RASAL2: variants seen among roughly 807,000 people sequenced by gnomAD.
The protein encoded by RASAL2 is RAS protein activator like 2.
Under a neutral mutation model 128.9 loss-of-function variants are expected in RASAL2, and 58 were observed. The ratio of observed to expected loss-of-function variants is 0.45; its 90% confidence interval spans 0.36 to 0.56. The LOEUF is 0.56. RASAL2 is among the 20% of genes least tolerant of loss of function. RASAL2 has a pLI of 0.00. For synonymous variants in RASAL2, 561 were observed against 580.8 expected (o/e 0.97, Z 0.49); for missense variants, 1,360 against 1,601.6 (o/e 0.85, Z 2.57).
chr1:178,176,352 T>C (rs1211568839), intron 1 of RASAL2, among the ~76,000 whole-genome samples: 1 of 152,188 alleles, frequency 6.6e-6, no homozygotes, highest in Non-Finnish European at 1.5e-5. Context: ...ACCATTTGTA[T>C]ATCTTCTTTT....
intron 1 of RASAL2, among the ~76,000 whole-genome samples, chr1:178,113,183 A>C (rs1571491444): frequency 3.3e-5 from 5 of 152,120 alleles, no homozygotes; most frequent in Admixed American, 3.3e-4. Flanking sequence ...TATCTGGACT[A>C]TTCAATTCCA....
Position 178,454,449 on chromosome 1 carries a change from T to C in RASAL2, c.2012T>C (p.Phe671Ser). The change falls in exon 12 of 18, where the codon TTT becomes TCT. Residue 671 changes from phenylalanine to serine, a missense_variant and splice_region_variant. By Grantham distance (155) the Phe-to-Ser change is radical. This residue lies in a region of RASAL2 where 741 missense variants were observed against 868.6 expected (regional missense o/e 0.85). Transcript: ENST00000367649. ...CATTTTCTCATCCTCTACTTCAGGT[T>C]TGGTAACAAAGAGGAATACATGGCA... ...VIQNLANFAK[F>S]GNKEEYMAFM... 6.2e-7 allele frequency: 1 copy of C among 1,604,552 alleles called. No individual in the cohort carries two copies. Among genetic ancestry groups the C allele is most frequent in the East Asian group, 2.2e-5 (1 of 44,820 alleles).
intron 3 of RASAL2, among the ~76,000 whole-genome samples, chr1:178,312,742 A>G (rs1668319467): frequency 6.6e-6 from 1 of 152,216 alleles, no homozygotes; most frequent in Non-Finnish European, 1.5e-5. Flanking sequence ...AGTTAACTCA[A>G]TCAGCGGAAA....
chr1:178,119,905 C>T (rs1370912211), intron 1 of RASAL2, among the ~76,000 whole-genome samples: 1 of 152,194 alleles, frequency 6.6e-6, no homozygotes, highest in Non-Finnish European at 1.5e-5. Flanking sequence ...ACTGCAGCCT[C>T]TCTTGAAAGT....
chr1:178,295,731 T>C (rs940381534), intron 2 of RASAL2, among the ~76,000 whole-genome samples: 3 of 152,194 alleles, frequency 2.0e-5, no homozygotes, highest in African/African-American at 7.2e-5. Context: ...GTTCCTGGGT[T>C]ATGCTGTTGC....
chr1:178,143,154 G>C (rs1660595628), intron 1 of RASAL2, among the ~76,000 whole-genome samples: 1 of 151,522 alleles, frequency 6.6e-6, no homozygotes, highest in African/African-American at 2.4e-5. Flanking sequence ...TGTAATGTAT[G>C]TTTATTTATA....
chr1:178,205,758 CA>C (rs946994344), intron 1 of RASAL2, among the ~76,000 whole-genome samples: 20 of 146,360 alleles, frequency 1.4e-4, no homozygotes, highest in East Asian at 1.2e-3. Flanking sequence ...CTCCGTCTAA[CA>C]AAAAAAAAAG....
Position 178,175,437 on chromosome 1 carries a change from C to CGTGTGTGTGTGTGT in RASAL2, c.202+80765_202+80778dup, listed in dbSNP as rs1158552851. Reference sequence around the variant, plus strand: ...AATATTCTGTGTATATACATGGTTACGTGTGTGTGTGTGTGTGTGTGTGTG... The same window carrying CGTGTGTGTGTGTGT: ...AATATTCTGTGTATATACATGGTTACGTGTGTGTGTGTGTGTGTGTGTGTGTGTGTGTGTGTGTG... On this transcript the variant is annotated intron_variant, in intron 1 of 17. Transcript: ENST00000367649. 5.7e-3 allele frequency among the ~76,000 whole-genome samples: 819 copies of CGTGTGTGTGTGTGT among 144,418 alleles called. 15 individuals are homozygous for CGTGTGTGTGTGTGT. The highest frequency in any genetic ancestry group is 0.017 in the African/African-American group (661 of 38,804). The allele number at this position is 144,418 out of a possible 152,430, so 94.7% of individuals were successfully genotyped here. A position where few individuals can be genotyped will look rare whatever the true frequency, so the allele number is the denominator to read the frequency against.
intron 1 of RASAL2, among the ~76,000 whole-genome samples, chr1:178,190,916 T>A (rs1342715991): frequency 6.6e-6 from 1 of 152,176 alleles, no homozygotes; most frequent in Non-Finnish European, 1.5e-5. Context: ...GCCAAAGAGA[T>A]GTAAGGCTTG....
At chr1:178,165,916 C>T (rs1052699332) in intron 1 of RASAL2, among the ~76,000 whole-genome samples, 25 of 152,096 alleles carry the variant, frequency 1.6e-4, no homozygotes, top group African/African-American at 5.8e-4. Flanking sequence ...ATTTTAAAGG[C>T]TTTAGTCATA....
intron 9 of RASAL2, among the ~76,000 whole-genome samples, chr1:178,446,070 C>G (rs1253619695): frequency 6.6e-6 from 1 of 152,206 alleles, no homozygotes; most frequent in African/African-American, 2.4e-5. Flanking sequence ...TGAAGAAACT[C>G]TTGCCACTTC....
chr1:178,128,790 G>A (rs73049387), intron 1 of RASAL2, among the ~76,000 whole-genome samples: 2,056 of 152,072 alleles, frequency 0.014, 48 homozygotes, highest in African/African-American at 0.046. Flanking sequence ...TAAAATTTGT[G>A]GCTCTTTGTG....
chr1:178,475,771 T>C lies in RASAL2; in HGVS notation c.*2532T>C, dbSNP rs1648630903. Reference sequence around the variant, plus strand: ...ATGCCCAAAACATTTGGACAGATTATGCAGCCTTCTACTACCAGGTTATCT... The same window carrying C: ...ATGCCCAAAACATTTGGACAGATTACGCAGCCTTCTACTACCAGGTTATCT... On this transcript the variant is annotated 3_prime_UTR_variant, in exon 18 of 18. Coordinates refer to ENST00000367649, the MANE Select transcript of RASAL2 (RefSeq NM_170692.4). 1.3e-5 allele frequency: 2 copies of C among 152,236 alleles called. No individual in the cohort carries two copies. The highest frequency in any genetic ancestry group is 2.9e-5 in the Non-Finnish European group (2 of 68,030). 9.4% of individuals were successfully genotyped at this position (152,236 alleles called of 1,614,324 possible).
rs1558049362 is a variant in RASAL2 at position 178,094,375 on chromosome 1, C to CTCGGG, written c.-115_-111dup. The CTCGGG allele has an allele frequency of 3.0e-6, 3 of 999,402 alleles. No homozygotes were observed. The highest frequency in any genetic ancestry group is 4.2e-6 in the Non-Finnish European group (3 of 717,634). The allele number at this position is 999,402 out of a possible 1,614,324, so 61.9% of individuals were successfully genotyped here. A position where few individuals can be genotyped will look rare whatever the true frequency, so the allele number is the denominator to read the frequency against. On this transcript the variant is annotated 5_prime_UTR_variant, in exon 1 of 18. Coordinates refer to ENST00000367649, the MANE Select transcript of RASAL2 (RefSeq NM_170692.4). Reference sequence around the variant, plus strand: ...TGAGAGGTGTCCGCGCCGGCTGCCGCTCGGGTCCCTGCCCTCGCTGCGCGC... The same window carrying CTCGGG: ...TGAGAGGTGTCCGCGCCGGCTGCCGCTCGGGTCGGGTCCCTGCCCTCGCTGCGCGC...
chr1:178,215,573 A>G (rs1663397279), intron 1 of RASAL2, among the ~76,000 whole-genome samples: 2 of 152,206 alleles, frequency 1.3e-5, no homozygotes, highest in African/African-American at 4.8e-5. Context: ...TGTGACTATA[A>G]AAGTTATATT....
chr1:178,127,708 A>G lies in RASAL2; in HGVS notation c.202+33014A>G, dbSNP rs562784817. Among the ~76,000 whole-genome samples the G allele has an allele frequency of 5.9e-5, 9 of 152,190 alleles. No individual in the cohort carries two copies. The East Asian group carries it at 1.5e-3, about 26-fold the overall frequency. ...TGATCTTTAAAAGATCACCTTTAAT[A>G]TCTAGTATCTCCATACTTATTCTAG... On this transcript the variant is annotated intron_variant, in intron 1 of 17. Coordinates refer to ENST00000367649, the MANE Select transcript of RASAL2 (RefSeq NM_170692.4).
intron 3 of RASAL2, among the ~76,000 whole-genome samples, chr1:178,371,392 C>T (rs1571947340): frequency 7.2e-6 from 1 of 138,774 alleles, no homozygotes; most frequent in Middle Eastern, 3.8e-3. Context: ...TTTCTTTCCT[C>T]GCAAAGAAAG....
Position 178,390,166 on chromosome 1 carries a change from A to G in RASAL2, c.524A>G (p.Asn175Ser). The G allele has an allele frequency of 6.2e-7, 1 of 1,612,250 alleles. No individual in the cohort carries two copies. The highest frequency in any genetic ancestry group is 8.5e-7 in the Non-Finnish European group (1 of 1,179,114). ...GGGACCAGTACATCAGAGAAACCCA[A>G]CTCCATGGACACTGCAAATACCTCA... ...ISGTSTSEKP[N>S]SMDTANTSPF... Residue 175 changes from asparagine to serine, a missense_variant, in exon 4 of 18, where the codon AAC becomes AGC. Transcript: ENST00000367649.
intron 4 of RASAL2, among the ~76,000 whole-genome samples, chr1:178,393,182 G>T (rs1224993544): frequency 6.6e-6 from 1 of 152,150 alleles, no homozygotes; most frequent in African/African-American, 2.4e-5. Flanking sequence ...GTTGGGTTGT[G>T]GGGGATGGTT....
Sources: gnomAD v4.1 joint callset for allele counts (sites outside exome capture counted in the v4.1 genomes callset) on GRCh38, gnomAD v4.1.1 for gene constraint, gnomAD v4.1.1 regional missense constraint, MANE v1.5 for transcripts, NCBI Gene and HGNC (gene_info 2026-07-23, HGNC 2026-07-21) for gene names.